Variants in ZSCAN31 observed in about 807,000 individuals in gnomAD.
The protein encoded by ZSCAN31 is zinc finger and SCAN domain containing 31.
Under a neutral mutation model 22.5 loss-of-function variants are expected in ZSCAN31, and 14 were observed. The observed-to-expected ratio is 0.62, with a 90% confidence interval of 0.41 to 0.97. The LOEUF is 0.97. Among genes scored for constraint, ZSCAN31 ranks in the 50% least tolerant of loss-of-function variants. The probability of loss-of-function intolerance (pLI) is 0.00; values close to 1 mark genes in which losing one functional copy is unlikely to be tolerated. For synonymous variants in ZSCAN31, 168 were observed against 169.8 expected (o/e 0.99, Z 0.08); for missense variants, 424 against 483.4 (o/e 0.88, Z 1.15).
intron 2 of ZSCAN31, chr6:28,353,192 C>T (rs1765175457): frequency 6.5e-6 from 1 of 152,778 alleles, no homozygotes; most frequent in East Asian, 1.9e-4. Flanking sequence ...TGGTCTCGAT[C>T]TCTTGACCTC....
rs776676901 is a variant in ZSCAN31, at chr6:28,329,481, A to C, written c.203T>G (p.Leu68Arg). 3.7e-6 allele frequency: 6 copies of C among 1,614,146 alleles called. No individual in the cohort carries two copies. The Admixed American group carries it at 1.0e-4, about 27-fold the overall frequency. ...SRLRELCHQW[L>R]RPEIHTKEQI... ...CTCTTTGGTGTGGATTTCTGGCCTT[A>C]GCCACTGATGACAGAGTTCTCGGAG... Residue 68 changes from leucine to arginine, a missense_variant, in exon 2 of 4, where the codon CTA becomes CGA. Transcript: ENST00000344279.
rs931027740 is a variant in ZSCAN31 at position 28,326,174 on chromosome 6, T to C, written c.1213A>G (p.Arg405Gly). Residue 405 changes from arginine to glycine, a missense_variant, in exon 4 of 4, where the codon AGA (arginine) becomes GGA (glycine). Arg to Gly is a moderately radical substitution (Grantham distance 125). Transcript: ENST00000344279. ...TCCCAAACTCATCACCCTTATGGTC[T>C]CTCTCCAGTGTGGATTTTCTGATGT... ...KKHQKIHTGE[R>G]P 11 of 1,608,286 alleles carry C rather than the reference T, an allele frequency of 6.8e-6. No homozygotes were observed. Among genetic ancestry groups the C allele is most frequent in the Non-Finnish European group, 9.4e-6 (11 of 1,176,118 alleles).
At chr6:28,338,740 G>T (rs918396936), upstream of ZSCAN31, among the ~76,000 whole-genome samples, 10 of 152,114 alleles carry the variant, frequency 6.6e-5, no homozygotes, top group Non-Finnish European at 1.5e-4. Context: ...CCCCTAATTT[G>T]TTGGCTTTAT....
chr6:28,331,190 A>G lies in ZSCAN31; in HGVS notation c.-95-1412T>C, dbSNP rs1405539496. Among the ~76,000 whole-genome samples the G allele has an allele frequency of 1.3e-5, 2 of 152,166 alleles. No homozygotes were observed. The highest frequency in any genetic ancestry group is 2.9e-5 in the Non-Finnish European group (2 of 68,022). ...TGGTGTTAGATCTGTATTTATAGAA[A>G]ATATTAAGATTCAGGATGGAAATGG... is the stretch of plus-strand genomic sequence containing the variant. On this transcript the variant is annotated intron_variant, in intron 1 of 3. Coordinates refer to ENST00000344279, the MANE Select transcript of ZSCAN31 (RefSeq NM_030899.5). This position sits in a 1 kb window ranked among gnomAD's most constrained non-coding sequence, Gnocchi z 4.8.
At chr6:28,327,294 GGCAATTTAGCCCC>G in intron 3 of ZSCAN31, 76 bp downstream of exon 3, 4 of 1,462,474 alleles carry the variant, frequency 2.7e-6, no homozygotes, top group Middle Eastern at 1.8e-4. Context: ...TTCCAACCCA[GGCAATTTAGCCCC>G]AGAGTCCACA....
chr6:28,343,826 C>A (rs1764529344), intron 2 of ZSCAN31, among the ~76,000 whole-genome samples: 1 of 152,014 alleles, frequency 6.6e-6, no homozygotes, highest in Non-Finnish European at 1.5e-5. Flanking sequence ...CTGTGCCTGG[C>A]CTATATGCAG....
At chr6:28,341,208 A>G (rs926276446) in intron 3 of ZSCAN31, among the ~76,000 whole-genome samples, 10 of 152,246 alleles carry the variant, frequency 6.6e-5, no homozygotes, top group Admixed American at 2.6e-4. Flanking sequence ...AAACAGCTAC[A>G]TTGAAATTTC....
upstream of ZSCAN31, among the ~76,000 whole-genome samples, chr6:28,340,045 A>G (rs1275262450): frequency 6.6e-6 from 1 of 152,230 alleles, no homozygotes; most frequent in East Asian, 1.9e-4. Context: ...ATGCAAATGT[A>G]GAATCACTTA....
At chr6:28,355,235 G>A (rs994821441), upstream of ZSCAN31, 2 of 152,184 alleles carry the variant, frequency 1.3e-5, no homozygotes, top group Non-Finnish European at 2.9e-5. Context: ...ATACTTTGCT[G>A]TTCCAAGTAG....
chr6:28,339,031 T>A (rs1764308348), upstream of ZSCAN31, among the ~76,000 whole-genome samples: 1 of 152,202 alleles, frequency 6.6e-6, no homozygotes, highest in Admixed American at 6.5e-5. Flanking sequence ...TTATGATGTC[T>A]TTGTCAATAT....
intron 1 of ZSCAN31, among the ~76,000 whole-genome samples, chr6:28,335,029 G>A (rs1279869615): frequency 6.6e-6 from 1 of 152,180 alleles, no homozygotes; most frequent in Non-Finnish European, 1.5e-5. Flanking sequence ...TAGGAAATAA[G>A]GCTTTTGACA....
In ZSCAN31 at chr6:28,351,393, C is replaced by A. The variant is rs1765004944; in HGVS notation, c.-371+2469G>T. Among the ~76,000 whole-genome samples, 1 of 152,170 alleles carries A rather than the reference C, an allele frequency of 6.6e-6. No individual in the cohort carries two copies. Among genetic ancestry groups the A allele is most frequent in the Non-Finnish European group, 1.5e-5 (1 of 68,034 alleles). On this transcript the variant is annotated intron_variant, in intron 2 of 7. Transcript: ENST00000396838. The surrounding 1 kb of genome is among the most constrained non-coding windows in gnomAD (Gnocchi z 4.6). The stretch of plus-strand genomic sequence containing the variant: ...TCACTCTGGGTTGGGCTGTGGCTCT[C>A]TCTCGCCTTCCTTGACCCTACCTTA...
chr6:28,326,404 C>T lies in ZSCAN31; in HGVS notation c.983G>A (p.Cys328Tyr), dbSNP rs757883460. The change falls in exon 4 of 4, where the codon TGT becomes TAT. Residue 328 changes from cysteine to tyrosine, a missense_variant. Cys to Tyr is a radical substitution (Grantham distance 194, BLOSUM62 -2). Transcript: ENST00000344279. The part of the protein sequence containing the change: ...TGEKPYECKV[C>Y]GKAFLLSSCL... ...TGAGCTGAGGAGGAAAGCCTTCCCA[C>T]ACACTTTGCATTCATATGGTTTTTC... 1 of 1,614,218 alleles carries T rather than the reference C, an allele frequency of 6.2e-7. No individual in the cohort carries two copies. Among genetic ancestry groups the T allele is most frequent in the Admixed American group, 1.7e-5 (1 of 60,030 alleles).
At chr6:28,338,010 C>A (rs1167593025), upstream of ZSCAN31, 2 of 152,012 alleles carry the variant, frequency 1.3e-5, no homozygotes, top group Admixed American at 6.6e-5. Flanking sequence ...TGCCACTGCA[C>A]TCTAGCTTGA....
chr6:28,326,093 TG>T lies in ZSCAN31; in HGVS notation c.*72del, dbSNP rs1301743317. On this transcript the variant is annotated 3_prime_UTR_variant, in exon 4 of 4. Transcript: ENST00000344279. ...GTCCACAGAATTAGTCCAGTTCTGC[TG>T]GAACAGTATGGATTCTAAAATGCCT... 28 of 1,394,660 alleles carry T rather than the reference TG, an allele frequency of 2.0e-5. No homozygotes were observed. The highest frequency in any genetic ancestry group is 2.5e-5 in the Non-Finnish European group (26 of 1,025,224). 86.4% of individuals were successfully genotyped at this position (1,394,660 alleles called of 1,614,324 possible).
rs746666791 is a variant in ZSCAN31, at chr6:28,326,422, G to A, written c.965C>T (p.Pro322Leu). 6.2e-7 allele frequency: 1 copy of A among 1,614,106 alleles called. No individual in the cohort carries two copies. The highest frequency in any genetic ancestry group is 1.1e-5 in the South Asian group (1 of 91,084). ...RHRRIHTGEK[P>L]YECKVCGKAF... is the part of the protein sequence containing the mutation. ...CTTCCCACACACTTTGCATTCATAT[G>A]GTTTTTCCCCTGTGTGGATTCTTCT... Residue 322 changes from proline to leucine, a missense_variant, in exon 4 of 4, where the codon CCA becomes CTA. By Grantham distance (98) the Pro-to-Leu change is moderately conservative. Transcript: ENST00000344279.
chr6:28,348,808 A>G (rs1313057254), intron 2 of ZSCAN31, among the ~76,000 whole-genome samples: 2 of 152,102 alleles, frequency 1.3e-5, no homozygotes, highest in Non-Finnish European at 2.9e-5. Context: ...TTGTGTATCA[A>G]TTTAGGAAGG....
chr6:28,355,265 C>T (rs1765345286), upstream of ZSCAN31: 1 of 152,194 alleles, frequency 6.6e-6, no homozygotes, highest in Non-Finnish European at 1.5e-5. Context: ...CCCCACTTTA[C>T]AAAAGTGGAT....
chr6:28,342,123 C>G (rs1358691919), intron 2 of ZSCAN31, among the ~76,000 whole-genome samples: 1 of 152,130 alleles, frequency 6.6e-6, no homozygotes, highest in Non-Finnish European at 1.5e-5. Flanking sequence ...TCTCCTTCAG[C>G]CAGAAGGGCA....
Sources: gnomAD v4.1 joint callset for allele counts (sites outside exome capture counted in the v4.1 genomes callset) on GRCh38, gnomAD v4.1.1 for gene constraint, Gnocchi (gnomAD v3.1) non-coding constraint, MANE v1.5 for transcripts, NCBI Gene and HGNC (gene_info 2026-07-23, HGNC 2026-07-21) for gene names.